Variants in MRTFB observed in about 807,000 individuals in gnomAD.
MRTFB encodes the protein myocardin-related transcription factor B.
MRTFB carries 29 observed loss-of-function variants against 104.2 expected under a neutral mutation model. The ratio of observed to expected loss-of-function variants is 0.28; its 90% confidence interval spans 0.21 to 0.38. The LOEUF (loss-of-function observed/expected upper bound fraction) is 0.38, where lower values mean the gene tolerates loss of function less well. Among genes scored for constraint, MRTFB ranks in the 10% least tolerant of loss-of-function variants. The probability of loss-of-function intolerance (pLI) is 1.00; values close to 1 mark genes in which losing one functional copy is unlikely to be tolerated. For missense variants in MRTFB, 1,270 were observed against 1,341.6 expected (o/e 0.95, Z 0.83); for synonymous variants, 535 against 519.5 (o/e 1.03, Z -0.41).
chr16:14,131,596 A>C (rs1364791224), intron 2 of MRTFB, among the ~76,000 whole-genome samples: 1 of 152,170 alleles, frequency 6.6e-6, no homozygotes, highest in Admixed American at 6.5e-5. Flanking sequence ...TGAAAGAAAA[A>C]ACTGTTCTAA....
the MRTFB span, among the ~76,000 whole-genome samples, chr16:14,021,255 C>G: frequency 6.6e-6 from 1 of 152,118 alleles, no homozygotes; most frequent in Non-Finnish European, 1.5e-5. Context: ...AAGTTGTTGG[C>G]TGAATTCAGT....
chr16:14,041,764 T>TA, the MRTFB span, among the ~76,000 whole-genome samples: 1 of 151,482 alleles, frequency 6.6e-6, no homozygotes, highest in African/African-American at 2.4e-5. Flanking sequence ...CCGTCTCTAC[T>TA]AAAAATACAA....
At chr16:14,045,975 G>A in the MRTFB span, among the ~76,000 whole-genome samples, 1 of 152,178 alleles carries the variant, frequency 6.6e-6, no homozygotes, top group African/African-American at 2.4e-5. Context: ...GAAAATATTA[G>A]CTAGTAGCAG....
chr16:14,076,447 G>T (rs550871525), intron 1 of MRTFB, among the ~76,000 whole-genome samples: 1 of 152,084 alleles, frequency 6.6e-6, no homozygotes, highest in Admixed American at 6.6e-5. Flanking sequence ...CACCTGCATC[G>T]GCCTCCCAAA....
chr16:14,094,955 C>G (rs2035280220), intron 2 of MRTFB, among the ~76,000 whole-genome samples: 1 of 152,176 alleles, frequency 6.6e-6, no homozygotes, highest in African/African-American at 2.4e-5. Flanking sequence ...CTGACATTTC[C>G]TATCAGAATT....
At chr16:14,118,824 C>G (rs2036684861) in intron 2 of MRTFB, among the ~76,000 whole-genome samples, 1 of 151,748 alleles carries the variant, frequency 6.6e-6, no homozygotes, top group Non-Finnish European at 1.5e-5. Context: ...AGATTTTGAA[C>G]TTTGCATAGT....
At chr16:14,050,133 A>T in the MRTFB span, among the ~76,000 whole-genome samples, 1 of 152,062 alleles carries the variant, frequency 6.6e-6, no homozygotes, top group African/African-American at 2.4e-5. Context: ...AGACTTATAG[A>T]TATGCATATA....
intron 8 of MRTFB, among the ~76,000 whole-genome samples, 193 bp from the exon 9 acceptor site, chr16:14,233,953 A>T (rs1339944882): frequency 6.6e-6 from 1 of 152,136 alleles, no homozygotes; most frequent in Non-Finnish European, 1.5e-5. Flanking sequence ...ACTGCTCTTA[A>T]AGACTAAATG....
chr16:14,099,529 A>AT (rs945457843), intron 2 of MRTFB, among the ~76,000 whole-genome samples: 36 of 150,278 alleles, frequency 2.4e-4, no homozygotes, highest in Admixed American at 1.3e-3. Context: ...TGTCCGGCTA[A>AT]TTTTTTTGTA....
intron 3 of MRTFB, chr16:14,200,621 C>G: frequency 6.3e-7 from 1 of 1,585,426 alleles, no homozygotes; most frequent in Non-Finnish European, 8.7e-7. Flanking sequence ...AATGGTTGGC[C>G]TACGTTGGTG....
At chr16:14,187,880 A>C (rs1203073822) in intron 3 of MRTFB, among the ~76,000 whole-genome samples, 1 of 152,188 alleles carries the variant, frequency 6.6e-6, no homozygotes, top group African/African-American at 2.4e-5. Context: ...CATCTTTGGA[A>C]AGCAAAAACC....
the MRTFB span, among the ~76,000 whole-genome samples, chr16:13,997,937 A>C: frequency 3.3e-5 from 5 of 152,238 alleles, no homozygotes; most frequent in Non-Finnish European, 2.9e-5. Flanking sequence ...TAGAGAAAGG[A>C]GGGAGATACT....
the MRTFB span, among the ~76,000 whole-genome samples, chr16:14,065,044 TG>T: frequency 6.6e-6 from 1 of 152,234 alleles, no homozygotes; most frequent in African/African-American, 2.4e-5. Flanking sequence ...TAGGTTGCTT[TG>T]GGTAGTATGG....
intron 3 of MRTFB, among the ~76,000 whole-genome samples, chr16:14,163,261 A>T (rs145472249): frequency 2.2e-4 from 33 of 152,320 alleles, no homozygotes; most frequent in African/African-American, 7.0e-4. Flanking sequence ...TTGGAACCCA[A>T]TTGGAAATAA....
the MRTFB span, among the ~76,000 whole-genome samples, chr16:14,063,842 T>A: frequency 0.061 from 9,305 of 152,282 alleles, 884 homozygotes; most frequent in African/African-American, 0.2. Context: ...TTCCATGGTG[T>A]ATAGGTACCA....
intron 9 of MRTFB, among the ~76,000 whole-genome samples, chr16:14,237,093 T>C (rs890534208): frequency 6.6e-6 from 1 of 152,134 alleles, no homozygotes; most frequent in Admixed American, 6.6e-5. Context: ...CCGCGTGATG[T>C]CCTAGAGGCA....
chr16:14,004,434 C>T, the MRTFB span, among the ~76,000 whole-genome samples: 6 of 152,100 alleles, frequency 3.9e-5, no homozygotes, highest in African/African-American at 9.7e-5. Context: ...CAGGGAGTCA[C>T]GGTGGGGTTA....
intron 3 of MRTFB, among the ~76,000 whole-genome samples, chr16:14,166,881 G>A (rs1443641209): frequency 6.6e-6 from 1 of 152,156 alleles, no homozygotes; most frequent in Admixed American, 6.5e-5. Context: ...TGGTGTGTAT[G>A]TACCACATTT....
intron 3 of MRTFB, among the ~76,000 whole-genome samples, chr16:14,172,792 A>G (rs2039465090): frequency 1.3e-5 from 2 of 152,154 alleles, no homozygotes; most frequent in Non-Finnish European, 2.9e-5. Context: ...TTTAAGGACC[A>G]TTTCAGAATC....
Sources: allele counts gnomAD v4.1 joint callset (sites outside exome capture counted in the v4.1 genomes callset), GRCh38; gene constraint gnomAD v4.1.1; transcripts MANE v1.5; gene names NCBI Gene and HGNC (gene_info 2026-07-23, HGNC 2026-07-21).